ISG20: variants seen among roughly 807,000 people sequenced by gnomAD.
The protein encoded by ISG20 is interferon-stimulated gene 20 kDa protein.
ISG20 carries 8 observed loss-of-function variants against 11.1 expected under a neutral mutation model. The ratio of observed to expected loss-of-function variants is 0.72; its 90% CI spans 0.42 to 1.30. ISG20 has a LOEUF of 1.30. Ranked by LOEUF, ISG20 falls within the 50% of genes most tolerant of loss-of-function variation. The pLI is 0.01. For synonymous variants in ISG20, 110 were observed against 101.7 expected, an observed-to-expected ratio of 1.08 and a Z score of -0.49; for missense variants, 243 against 250.2, an observed-to-expected ratio of 0.97 and a Z score of 0.19.
upstream of ISG20, among the ~76,000 whole-genome samples, chr15:88,637,821 C>T (rs1319714034): frequency 6.6e-6 from 1 of 152,112 alleles, no homozygotes; most frequent in Admixed American, 6.5e-5. Context: ...CATAAAGTAA[C>T]AGGAATGTTA....
chr15:88,655,547 G>C lies in ISG20; in HGVS notation c.*16G>C. On this transcript the variant is annotated 3_prime_UTR_variant, in exon 4 of 4. Coordinates refer to ENST00000306072, the MANE Select transcript of ISG20 (RefSeq NM_002201.6). ...GTCAGACTGAAGCCCCATCCAGCCC[G>C]TTCCGCAGGGACTAGAGGCTTTCGG... 6.3e-7 allele frequency: 1 copy of C among 1,598,418 alleles called. No individual in the cohort carries two copies. Among genetic ancestry groups the C allele is most frequent in the Non-Finnish European group, 8.6e-7 (1 of 1,167,964 alleles).
intron 3 of ISG20, 142 bp from the exon 4 acceptor site, chr15:88,655,273 G>C: frequency 1.4e-6 from 1 of 722,654 alleles, no homozygotes. Flanking sequence ...CCTAAGTCCA[G>C]AGTGTCAGAG....
chr15:88,651,193 G>T (rs775688717), intron 2 of ISG20: 1 of 985,278 alleles, frequency 1.0e-6, no homozygotes, highest in South Asian at 4.7e-5. Context: ...TTGCAAACTT[G>T]TTTTAAAATC....
In ISG20 at chr15:88,655,398, T is replaced by C. The variant is rs375448133; in HGVS notation, c.430-17T>C. On this transcript the variant is annotated splice_polypyrimidine_tract_variant and intron_variant, in intron 3 of 3. Coordinates refer to ENST00000306072, the MANE Select transcript of ISG20 (RefSeq NM_002201.6). The stretch of plus-strand genomic sequence containing the variant: ...TCAGCCTCATCCCAAGTCCCCACTC[T>C]ATACTTGTGTCTGCAGAACAGCCTG... 1.5e-5 allele frequency: 24 copies of C among 1,610,802 alleles called. No individual in the cohort carries two copies. The African/African-American group carries it at 2.4e-4, about 16-fold the overall frequency.
rs12898313 is a variant in ISG20 at position 88,643,609 on chromosome 15, C to G, written c.228+4015C>G. Among the ~76,000 whole-genome samples, 64,935 of 151,948 alleles carry G rather than the reference C, an allele frequency of 0.43. 14,217 individuals are homozygous for G. The highest frequency in any genetic ancestry group is 0.46 in the Non-Finnish European group (31,280 of 67,962). Reference sequence around the variant, plus strand: ...ATCCAAGCTACTCAGGAGGCTGACGCAGGAGAATCGCTTAAACCCAGGAGG... The same window carrying G: ...ATCCAAGCTACTCAGGAGGCTGACGGAGGAGAATCGCTTAAACCCAGGAGG... On this transcript the variant is annotated intron_variant, in intron 2 of 3. Coordinates refer to ENST00000306072, the MANE Select transcript of ISG20 (RefSeq NM_002201.6). The surrounding 1 kb of genome is among the most constrained non-coding windows in gnomAD (Gnocchi z 4.4).
At chr15:88,637,479 A>T (rs142977631), upstream of ISG20, 1 of 152,270 alleles carries the variant, frequency 6.6e-6, no homozygotes, top group African/African-American at 2.4e-5. Context: ...GGGCATGAAG[A>T]TGGAGGTGGG....
intron 3 of ISG20, 35 bp from the exon 4 acceptor site, chr15:88,655,380 C>T: frequency 1.3e-6 from 2 of 1,585,116 alleles, no homozygotes; most frequent in Non-Finnish European, 8.7e-7. Flanking sequence ...AATTCAGCCT[C>T]ATCCCAAGTC....
intron 2 of ISG20, among the ~76,000 whole-genome samples, chr15:88,645,207 G>A (rs1300643790): frequency 6.6e-6 from 1 of 152,158 alleles, no homozygotes; most frequent in Admixed American, 6.5e-5. Flanking sequence ...TTGTCAGCAA[G>A]TTATTGAACC....
intron 2 of ISG20, among the ~76,000 whole-genome samples, chr15:88,641,159 A>AT (rs958261065): frequency 2.6e-5 from 4 of 151,394 alleles, no homozygotes; most frequent in East Asian, 3.9e-4. Context: ...TGCCCGGCTA[A>AT]TTTTTTTTGC....
intron 2 of ISG20, chr15:88,646,835 G>A (rs6496515): frequency 1 from 152,243 of 152,554 alleles, 75,973 homozygotes; most frequent in Middle Eastern, 1. Context: ...CAGTGGCGCA[G>A]TCTTGGCTCA....
chr15:88,638,002 C>T (rs967955486), upstream of ISG20, among the ~76,000 whole-genome samples: 2 of 152,178 alleles, frequency 1.3e-5, no homozygotes, highest in African/African-American at 2.4e-5. Context: ...CTCATGAAGA[C>T]GTATTTCAGT....
intron 2 of ISG20, among the ~76,000 whole-genome samples, chr15:88,642,670 G>A (rs1283547720): frequency 6.6e-6 from 1 of 152,192 alleles, no homozygotes; most frequent in Non-Finnish European, 1.5e-5. Context: ...AGGCTGGAGT[G>A]TGGCGGCGCG....
chr15:88,641,216 G>A (rs928082588), intron 2 of ISG20, among the ~76,000 whole-genome samples: 8 of 151,880 alleles, frequency 5.3e-5, no homozygotes, highest in African/African-American at 1.9e-4. Flanking sequence ...GGCTGGTCTC[G>A]CTCGAACTCC....
rs1053014394 is a variant in ISG20, at chr15:88,639,729, G to A, written c.228+135G>A. The A allele has an allele frequency of 2.2e-5, 15 of 680,602 alleles. No individual in the cohort carries two copies. Among genetic ancestry groups the A allele is most frequent in the Non-Finnish European group, 3.2e-5 (13 of 400,598 alleles). 42.2% of individuals were successfully genotyped at this position (680,602 alleles called of 1,614,324 possible). On this transcript the variant is annotated intron_variant, in intron 2 of 3. Coordinates refer to ENST00000306072, the MANE Select transcript of ISG20 (RefSeq NM_002201.6). This position sits in a 1 kb window ranked among gnomAD's most constrained non-coding sequence, Gnocchi z 4.2. ...CCCACACTGCTGTTGGGAGAAAGCC[G>A]GTGGTGTCTCCATCACATCCTGGAG...
At chr15:88,645,609 A>T (rs2058159039) in intron 2 of ISG20, among the ~76,000 whole-genome samples, 1 of 151,910 alleles carries the variant, frequency 6.6e-6, no homozygotes, top group Non-Finnish European at 1.5e-5. Flanking sequence ...CCAAACCCCT[A>T]TCTATCTGCC....
At chr15:88,642,984 G>GACAA (rs2058108083) in intron 2 of ISG20, among the ~76,000 whole-genome samples, 1 of 152,118 alleles carries the variant, frequency 6.6e-6, no homozygotes, top group African/African-American at 2.4e-5. Flanking sequence ...AACACTTTGG[G>GACAA]AGGCCAGTGC....
intron 2 of ISG20, 27 bp from the exon 3 acceptor site, chr15:88,652,083 G>T (rs760867937): frequency 6.8e-6 from 11 of 1,613,718 alleles, no homozygotes; most frequent in African/African-American, 2.7e-5. Context: ...GGGTCATGTA[G>T]GGGTGGGCAC....
chr15:88,642,402 G>C (rs1158284523), intron 2 of ISG20, among the ~76,000 whole-genome samples: 2 of 152,156 alleles, frequency 1.3e-5, no homozygotes, highest in East Asian at 3.9e-4. Flanking sequence ...TGAGAGAGCG[G>C]GACACAGTTC....
upstream of ISG20, among the ~76,000 whole-genome samples, chr15:88,638,057 C>T (rs960351518): frequency 1.3e-5 from 2 of 152,150 alleles, no homozygotes; most frequent in African/African-American, 4.8e-5. Flanking sequence ...GCATCCAAAT[C>T]CCACTTGGTG....
Sources: allele counts gnomAD v4.1 joint callset (sites outside exome capture counted in the v4.1 genomes callset), GRCh38; gene constraint gnomAD v4.1.1; non-coding constraint Gnocchi (gnomAD v3.1); transcripts MANE v1.5; gene names NCBI Gene and HGNC (gene_info 2026-07-23, HGNC 2026-07-21).